Variants in ZNF804B observed in about 807,000 individuals in gnomAD.
ZNF804B encodes the protein zinc finger protein 804B, also known as zinc finger 804B.
ZNF804B carries 80 observed loss-of-function variants against 101.4 expected under a neutral mutation model. The observed-to-expected ratio is 0.79, with a 90% confidence interval of 0.66 to 0.95. The LOEUF is 0.95. Ranked by LOEUF, ZNF804B falls within the 40% of genes least tolerant of loss-of-function variation. The probability of loss-of-function intolerance (pLI) is 0.00; values close to 1 mark genes in which losing one functional copy is unlikely to be tolerated. For missense variants in ZNF804B, 1,673 were observed against 1,561.9 expected, an observed-to-expected ratio of 1.07 and a Z score of -1.20; for synonymous variants, 622 against 558.8, an observed-to-expected ratio of 1.11 and a Z score of -1.59.
intron 1 of ZNF804B, among the ~76,000 whole-genome samples, chr7:88,876,599 G>A (rs999422139): frequency 2.0e-5 from 3 of 151,820 alleles, no homozygotes; most frequent in Non-Finnish European, 2.9e-5. Flanking sequence ...TAATCCACCC[G>A]CTCCCTCACT....
chr7:89,034,409 C>T (rs1165489584), intron 1 of ZNF804B, among the ~76,000 whole-genome samples: 1 of 151,820 alleles, frequency 6.6e-6, no homozygotes, highest in African/African-American at 2.4e-5. Flanking sequence ...TAGCCCCCTA[C>T]CCCCCGCCAG....
rs751806595 is a variant in ZNF804B, at chr7:88,789,607, A to C, written c.108+29523A>C. 2.0e-5 allele frequency among the ~76,000 whole-genome samples: 3 copies of C among 152,132 alleles called. No individual in the cohort carries two copies. In the East Asian group the frequency reaches 5.8e-4, roughly 29 times the overall value. On this transcript the variant is annotated intron_variant, in intron 1 of 3. Transcript: ENST00000333190. The stretch of plus-strand genomic sequence containing the variant: ...TCTATGCACTGTTTTTACTACATAC[A>C]TCCTGTCCACAGGTAATCAGGAAAT...
At chr7:89,122,253 T>G (rs1020925035) in intron 1 of ZNF804B, among the ~76,000 whole-genome samples, 2 of 152,132 alleles carry the variant, frequency 1.3e-5, no homozygotes, top group Admixed American at 1.3e-4. Flanking sequence ...AAATAAAATT[T>G]CAATTCTTCA....
At chr7:88,992,701 TTACA>T (rs1282773151) in intron 1 of ZNF804B, among the ~76,000 whole-genome samples, 1 of 152,118 alleles carries the variant, frequency 6.6e-6, no homozygotes, top group Non-Finnish European at 1.5e-5. Flanking sequence ...AATCTTTTTG[TTACA>T]TAAAGTAATA....
rs146572198 is a variant in ZNF804B, at chr7:88,940,631, T to C, written c.108+180547T>C. ...CAAAACTTAAAAGATTAGCTGGGCA[T>C]GGTGGTGTGCACTTGTGGTCCCAGC... On this transcript the variant is annotated intron_variant, in intron 1 of 3. Transcript: ENST00000333190. Among the ~76,000 whole-genome samples, 606 of 151,770 alleles carry C rather than the reference T, an allele frequency of 4.0e-3. 5 individuals carry two copies. Among genetic ancestry groups the C allele is most frequent in the East Asian group, 0.038 (196 of 5,132 alleles).
At chr7:89,263,695 C>T (rs1789742633) in intron 2 of ZNF804B, among the ~76,000 whole-genome samples, 1 of 151,740 alleles carries the variant, frequency 6.6e-6, no homozygotes, top group African/African-American at 2.4e-5. Context: ...TGATAAATGT[C>T]CTCACCTGAA....
At chr7:89,085,020 T>C (rs1349909704) in intron 1 of ZNF804B, among the ~76,000 whole-genome samples, 2 of 151,928 alleles carry the variant, frequency 1.3e-5, no homozygotes, top group African/African-American at 4.8e-5. Context: ...TAGCTCTTTT[T>C]ATTTCAAGGG....
Position 89,336,362 on chromosome 7 carries a change from A to G in ZNF804B, c.3380A>G (p.Lys1127Arg), listed in dbSNP as rs1339411743. 1.9e-5 allele frequency: 31 copies of G among 1,613,948 alleles called. No individual in the cohort carries two copies. The highest frequency in any genetic ancestry group is 2.6e-5 in the Non-Finnish European group (31 of 1,180,026). The change falls in exon 4 of 4, where the codon AAA (lysine) becomes AGA (arginine). Residue 1127 changes from lysine to arginine, a missense_variant. Lys to Arg is a conservative substitution (Grantham distance 26). Coordinates refer to ENST00000333190, the MANE Select transcript of ZNF804B (RefSeq NM_181646.5). ...YYDRTMQKPD[K>R]VEDGLEMCHK... is the part of the protein sequence containing the mutation. ...GACAGAACTATGCAGAAACCTGACA[A>G]AGTCGAAGACGGATTAGAAATGTGT...
At chr7:88,807,477 C>T (rs545404333) in intron 1 of ZNF804B, among the ~76,000 whole-genome samples, 1 of 152,132 alleles carries the variant, frequency 6.6e-6, no homozygotes, top group Non-Finnish European at 1.5e-5. Context: ...AGAATGATCG[C>T]TCTGAATACT....
At chr7:89,000,651 C>T (rs1252713758) in intron 1 of ZNF804B, among the ~76,000 whole-genome samples, 8 of 151,752 alleles carry the variant, frequency 5.3e-5, no homozygotes, top group Non-Finnish European at 7.4e-5. Flanking sequence ...CTGCTCACTG[C>T]CTCTGATAGC....
intron 1 of ZNF804B, among the ~76,000 whole-genome samples, chr7:88,940,636 G>T (rs962021088): frequency 6.6e-6 from 1 of 151,690 alleles, no homozygotes; most frequent in African/African-American, 2.4e-5. Context: ...GGGCATGGTG[G>T]TGTGCACTTG....
At chr7:89,201,287 AT>A (rs1028097656) in intron 1 of ZNF804B, among the ~76,000 whole-genome samples, 8 of 152,002 alleles carry the variant, frequency 5.3e-5, no homozygotes, top group Admixed American at 2.6e-4. Flanking sequence ...CAGAATTAGG[AT>A]TTTTTATAGC....
At chr7:89,293,287 G>A (rs1790326251) in intron 2 of ZNF804B, among the ~76,000 whole-genome samples, 1 of 151,884 alleles carries the variant, frequency 6.6e-6, no homozygotes, top group African/African-American at 2.4e-5. Context: ...AAAAAGATGA[G>A]TATTTGAGGT....
rs1057281262 is a variant in ZNF804B, at chr7:89,191,188, A to G, written c.109-26967A>G. Reference sequence around the variant, plus strand: ...TAAATAGAAACAAGTCTTCAAGAACAACATAAATTAAAAACTAGCTATGTA... The same window carrying G: ...TAAATAGAAACAAGTCTTCAAGAACGACATAAATTAAAAACTAGCTATGTA... On this transcript the variant is annotated intron_variant, in intron 1 of 3. Coordinates refer to ENST00000333190, the MANE Select transcript of ZNF804B (RefSeq NM_181646.5). Among the ~76,000 whole-genome samples the G allele has an allele frequency of 2.0e-5, 3 of 152,190 alleles. No homozygotes were observed. In the East Asian group the frequency reaches 5.8e-4, roughly 29 times the overall value.
intron 1 of ZNF804B, among the ~76,000 whole-genome samples, chr7:89,106,127 A>C (rs934437221): frequency 2.0e-5 from 3 of 152,210 alleles, no homozygotes; most frequent in Non-Finnish European, 2.9e-5. Flanking sequence ...AGATGGTGTC[A>C]GTACTATTCC....
chr7:89,221,918 C>T (rs1477607137), intron 2 of ZNF804B, among the ~76,000 whole-genome samples: 1 of 151,910 alleles, frequency 6.6e-6, no homozygotes, highest in Non-Finnish European at 1.5e-5. Flanking sequence ...CTTCCACCTT[C>T]AGGGAGCTGG....
chr7:89,269,267 T>A (rs1274606606), intron 2 of ZNF804B, among the ~76,000 whole-genome samples: 4 of 152,080 alleles, frequency 2.6e-5, no homozygotes, highest in African/African-American at 9.7e-5. Flanking sequence ...CCTGTGTCCA[T>A]GTGTTCTCAT....
At chr7:88,877,916 T>C (rs1043587162) in intron 1 of ZNF804B, among the ~76,000 whole-genome samples, 4 of 152,112 alleles carry the variant, frequency 2.6e-5, no homozygotes, top group African/African-American at 9.7e-5. Context: ...ACTTCTTCCT[T>C]ACAAAAATAG....
rs542121468 is a variant in ZNF804B, at chr7:89,037,585, A to T, written c.109-180570A>T. On this transcript the variant is annotated intron_variant, in intron 1 of 3. Transcript: ENST00000333190. ...TGCATGGATATATATATATATATAT[A>T]TTTTGAAATGATTACTACGATCAAG... Among the ~76,000 whole-genome samples the T allele has an allele frequency of 1.5e-3, 227 of 151,312 alleles. 6 individuals are homozygous for T. The highest frequency in any genetic ancestry group is 3.7e-4 in the Non-Finnish European group (25 of 67,802).
Sources: gnomAD v4.1 joint callset for allele counts (sites outside exome capture counted in the v4.1 genomes callset) on GRCh38, gnomAD v4.1.1 for gene constraint, MANE v1.5 for transcripts, NCBI Gene and HGNC (gene_info 2026-07-23, HGNC 2026-07-21) for gene names.